Variants in SH3RF3 observed in about 807,000 individuals in gnomAD.
The protein encoded by SH3RF3 is SH3 domain containing ring finger 3.
In SH3RF3, 29 loss-of-function variants were observed where a neutral mutation model predicts 66.3. The ratio of observed to expected loss-of-function variants is 0.44; its 90% CI spans 0.33 to 0.60. SH3RF3 has a LOEUF of 0.60. SH3RF3 is among the 20% of genes least tolerant of loss of function. The pLI, the probability that SH3RF3 is intolerant of heterozygous loss-of-function variation, is 0.04. For synonymous variants in SH3RF3, 583 were observed against 532.0 expected, an observed-to-expected ratio of 1.10 and a Z score of -1.32; for missense variants, 1,194 against 1,190.9, an observed-to-expected ratio of 1.00 and a Z score of -0.04.
intron 6 of SH3RF3, among the ~76,000 whole-genome samples, chr2:109,434,469 C>T (rs759871791): frequency 9.9e-5 from 15 of 152,234 alleles, no homozygotes; most frequent in Non-Finnish European, 1.3e-4. Flanking sequence ...ATTGGGACAT[C>T]GCCTGGCCGG....
At chr2:109,362,639 C>T (rs1301862424) in intron 2 of SH3RF3, among the ~76,000 whole-genome samples, 1 of 152,096 alleles carries the variant, frequency 6.6e-6, no homozygotes, top group African/African-American at 2.4e-5. Flanking sequence ...TGATTTTCTG[C>T]TTGCTGTCTC....
intron 1 of SH3RF3, among the ~76,000 whole-genome samples, chr2:109,216,535 G>T (rs1046563814): frequency 1.3e-5 from 2 of 152,206 alleles, no homozygotes; most frequent in African/African-American, 4.8e-5. Context: ...TTGCTTCTGT[G>T]ATACAGAAAG....
intron 1 of SH3RF3, among the ~76,000 whole-genome samples, chr2:109,302,479 G>A (rs1225271995): frequency 6.6e-6 from 1 of 152,218 alleles, no homozygotes; most frequent in African/African-American, 2.4e-5. Flanking sequence ...CCTCCTCTTA[G>A]GGCCCCCATA....
chr2:109,130,122 C>T lies in SH3RF3; in HGVS notation c.573+9C>T. The stretch of plus-strand genomic sequence containing the variant: ...CCGCGCCGGCGGCAAAGGTGAGTAT[C>T]TGTCTCGGCGGAAGTGGCCACGGCA... On this transcript the variant is annotated intron_variant, in intron 1 of 9. Transcript: ENST00000309415. 1.5e-6 allele frequency: 2 copies of T among 1,296,534 alleles called. No homozygotes were observed. The highest frequency in any genetic ancestry group is 2.0e-6 in the Non-Finnish European group (2 of 1,025,456). The allele number at this position is 1,296,534 out of a possible 1,614,324, so 80.3% of individuals were successfully genotyped here.
chr2:109,151,456 G>A (rs900761031), intron 1 of SH3RF3, among the ~76,000 whole-genome samples: 1 of 152,216 alleles, frequency 6.6e-6, no homozygotes, highest in Non-Finnish European at 1.5e-5. Flanking sequence ...TAGAATTTGA[G>A]CCACATATTT....
At chr2:109,444,341 A>G (rs944686210) in intron 7 of SH3RF3, among the ~76,000 whole-genome samples, 5 of 152,244 alleles carry the variant, frequency 3.3e-5, no homozygotes, top group East Asian at 1.9e-4. Context: ...CTGTGGGTCT[A>G]TATAAAATGG....
intron 8 of SH3RF3, among the ~76,000 whole-genome samples, chr2:109,457,084 A>C (rs988104197): frequency 6.6e-6 from 1 of 152,234 alleles, no homozygotes; most frequent in Non-Finnish European, 1.5e-5. Context: ...TCCACCTTCC[A>C]TGCCTCAGTT....
At chr2:109,289,560 G>A (rs974453596) in intron 1 of SH3RF3, among the ~76,000 whole-genome samples, 1 of 152,156 alleles carries the variant, frequency 6.6e-6, no homozygotes, top group African/African-American at 2.4e-5. Context: ...TGGGGACCAT[G>A]GTGTAGCACT....
At chr2:109,417,692 G>A (rs949172535) in intron 4 of SH3RF3, among the ~76,000 whole-genome samples, 4 of 152,150 alleles carry the variant, frequency 2.6e-5, no homozygotes, top group Non-Finnish European at 4.4e-5. Context: ...GGAGTCTCTC[G>A]GTTGCACCCG....
At chr2:109,473,379 GCT>G (rs1310399976) in intron 8 of SH3RF3, among the ~76,000 whole-genome samples, 1 of 152,136 alleles carries the variant, frequency 6.6e-6, no homozygotes, top group Non-Finnish European at 1.5e-5. Flanking sequence ...AATAGGGCGT[GCT>G]CTGAGGCCCC....
At chr2:109,500,980 G>A (rs1002696547) in intron 9 of SH3RF3, among the ~76,000 whole-genome samples, 1 of 152,166 alleles carries the variant, frequency 6.6e-6, no homozygotes, top group African/African-American at 2.4e-5. Flanking sequence ...CATAAACAAT[G>A]TTCCAAGTAC....
chr2:109,131,695 G>T (rs1220274903), intron 1 of SH3RF3, among the ~76,000 whole-genome samples: 1 of 152,186 alleles, frequency 6.6e-6, no homozygotes, highest in Non-Finnish European at 1.5e-5. Flanking sequence ...TTTAGAACTT[G>T]TCAAAGGGGT....
intron 1 of SH3RF3, among the ~76,000 whole-genome samples, chr2:109,213,365 G>C (rs1010566568): frequency 6.6e-6 from 1 of 152,170 alleles, no homozygotes; most frequent in Non-Finnish European, 1.5e-5. Flanking sequence ...GATAACTGCT[G>C]GGTGACAGGA....
At chr2:109,377,681 A>T (rs150991598) in intron 3 of SH3RF3, among the ~76,000 whole-genome samples, 220 of 152,284 alleles carry the variant, frequency 1.4e-3, no homozygotes, top group Non-Finnish European at 9.6e-4. Flanking sequence ...GTTCCTGCTG[A>T]TGGCCATTTC....
At chr2:109,441,579 G>A (rs886379202) in intron 7 of SH3RF3, among the ~76,000 whole-genome samples, 3 of 152,254 alleles carry the variant, frequency 2.0e-5, no homozygotes, top group South Asian at 4.1e-4. Context: ...CCTAATATAC[G>A]TGTAATTGGA....
chr2:109,273,812 G>T (rs1680681699), intron 1 of SH3RF3, among the ~76,000 whole-genome samples: 1 of 152,152 alleles, frequency 6.6e-6, no homozygotes. Flanking sequence ...TGCTGCTTGA[G>T]ACCAGGCTCA....
intron 1 of SH3RF3, among the ~76,000 whole-genome samples, chr2:109,281,278 G>T (rs535884462): frequency 6.6e-5 from 10 of 152,342 alleles, no homozygotes; most frequent in African/African-American, 2.4e-4. Flanking sequence ...TGTGGGTTTT[G>T]TTGGGGTGGA....
chr2:109,138,494 C>T (rs1015304048), intron 1 of SH3RF3, among the ~76,000 whole-genome samples: 3 of 152,214 alleles, frequency 2.0e-5, no homozygotes, highest in Non-Finnish European at 4.4e-5. Flanking sequence ...GCTGCATTTG[C>T]TGGCAAAGTG....
chr2:109,448,698 A>G (rs1339332825), intron 7 of SH3RF3, among the ~76,000 whole-genome samples: 5 of 152,214 alleles, frequency 3.3e-5, no homozygotes, highest in Non-Finnish European at 5.9e-5. Context: ...TTATTTCACT[A>G]TATATTACAA....
Sources: gnomAD v4.1 joint callset for allele counts (sites outside exome capture counted in the v4.1 genomes callset) on GRCh38, gnomAD v4.1.1 for gene constraint, MANE v1.5 for transcripts, NCBI Gene and HGNC (gene_info 2026-07-23, HGNC 2026-07-21) for gene names.